CBFA2T3: variants seen among roughly 807,000 people sequenced by gnomAD.
The protein encoded by CBFA2T3 is CBFA2/RUNX1 partner transcriptional co-repressor 3.
CBFA2T3 carries 31 observed loss-of-function variants against 58.6 expected under a neutral mutation model. The observed-to-expected ratio is 0.53, with a 90% CI of 0.40 to 0.71. CBFA2T3 has a LOEUF of 0.71. CBFA2T3 is among the 30% of genes least tolerant of loss of function. The pLI is 0.00. For synonymous variants in CBFA2T3, 531 were observed against 421.9 expected (o/e 1.26, Z -3.17); for missense variants, 1,076 against 963.1 (o/e 1.12, Z -1.55).
At chr16:88,901,190 G>C (rs1970084374) in intron 2 of CBFA2T3, among the ~76,000 whole-genome samples, 1 of 152,252 alleles carries the variant, frequency 6.6e-6, no homozygotes, top group African/African-American at 2.4e-5. Context: ...GGCCGGCTTT[G>C]ACCCATGGCC....
In CBFA2T3 at chr16:88,876,982, G is replaced by A. The variant is rs1241391360; in HGVS notation, c.1956C>T (p.Pro652=). The change falls in exon 12 of 12, where the codon CCC becomes CCT. Residue 652 remains proline, a synonymous_variant. Transcript: ENST00000268679. The part of the protein sequence containing the change: ...PSPPGPLDTV[P]R ...AGGCCAGGGGCCAGTGGGGTCAGCG[G>A]GGCACGGTGTCCAGTGGGCCAGGTG... 49 of 1,446,870 alleles carry A rather than the reference G, an allele frequency of 3.4e-5. No homozygotes were observed. The highest frequency in any genetic ancestry group is 4.0e-5 in the Non-Finnish European group (44 of 1,105,650). 89.6% of individuals were successfully genotyped at this position (1,446,870 alleles called of 1,614,324 possible). A position where few individuals can be genotyped will look rare whatever the true frequency, so the allele number is the denominator to read the frequency against.
intron 1 of CBFA2T3, among the ~76,000 whole-genome samples, chr16:88,967,250 C>A (rs1056660088): frequency 6.1e-5 from 9 of 147,884 alleles, no homozygotes; most frequent in Admixed American, 6.7e-5. Context: ...TCGGCCCCGA[C>A]ACGAGGCAGC....
chr16:88,887,403 C>G (rs920146755), intron 5 of CBFA2T3, among the ~76,000 whole-genome samples: 2 of 152,162 alleles, frequency 1.3e-5, no homozygotes, highest in African/African-American at 4.8e-5. Context: ...CGGGAACCGG[C>G]TGGTCGCTGT....
At chr16:88,891,373 G>A (rs190210522) in intron 5 of CBFA2T3, among the ~76,000 whole-genome samples, 2 of 152,286 alleles carry the variant, frequency 1.3e-5, no homozygotes, top group East Asian at 1.9e-4. Context: ...TCCAAGCAAA[G>A]GACTTTCGGA....
rs764860734 is a variant in CBFA2T3, at chr16:88,875,510, G to GT, written c.*1465dup. ...AGGCAGAGGGCTGCTTTTGTTTGTAGTTTTTTTGTTTTTTCTGCAAAAGTT... is the reference window on the plus strand; with the variant it reads ...AGGCAGAGGGCTGCTTTTGTTTGTAGTTTTTTTTGTTTTTTCTGCAAAAGTT... On this transcript the variant is annotated 3_prime_UTR_variant, in exon 12 of 12. Transcript: ENST00000268679. 1.5e-4 allele frequency: 36 copies of GT among 233,730 alleles called. No individual in the cohort carries two copies. Among genetic ancestry groups the GT allele is most frequent in the Middle Eastern group, 1.2e-3 (1 of 808 alleles). The allele number at this position is 233,730 out of a possible 1,614,324, so 14.5% of individuals were successfully genotyped here. A position where few individuals can be genotyped will look rare whatever the true frequency, so the allele number is the denominator to read the frequency against.
intron 1 of CBFA2T3, among the ~76,000 whole-genome samples, chr16:88,975,335 G>A (rs1279590157): frequency 1.3e-5 from 2 of 149,526 alleles, no homozygotes; most frequent in Non-Finnish European, 3.0e-5. Flanking sequence ...TCCTTCCACG[G>A]TAGACACCCC....
intron 1 of CBFA2T3, among the ~76,000 whole-genome samples, chr16:88,934,485 C>T (rs1390534980): frequency 1.3e-5 from 2 of 152,260 alleles, no homozygotes; most frequent in African/African-American, 4.8e-5. Context: ...CTCAGCCACA[C>T]ACCTGGCCGG....
At chr16:88,891,812 C>A in intron 5 of CBFA2T3, 70 bp downstream of exon 5, 1 of 1,092,662 alleles carries the variant, frequency 9.2e-7, no homozygotes, top group Non-Finnish European at 1.4e-6. Flanking sequence ...GCTGTCCACG[C>A]TGGCAAGGAG....
intron 1 of CBFA2T3, among the ~76,000 whole-genome samples, chr16:88,919,505 C>T (rs1441140899): frequency 6.6e-6 from 1 of 152,216 alleles, no homozygotes; most frequent in Non-Finnish European, 1.5e-5. Context: ...GCCTCAGGCG[C>T]TGTCCCTACC....
At chr16:88,952,883 C>T (rs1972114143) in intron 1 of CBFA2T3, among the ~76,000 whole-genome samples, 1 of 149,496 alleles carries the variant, frequency 6.7e-6, no homozygotes, top group Admixed American at 6.7e-5. Context: ...ACCCTGGGGA[C>T]AGCATGTCCA....
At chr16:88,959,468 G>A (rs1036752043) in intron 1 of CBFA2T3, among the ~76,000 whole-genome samples, 1 of 152,208 alleles carries the variant, frequency 6.6e-6, no homozygotes, top group African/African-American at 2.4e-5. Context: ...AGCACCCAGC[G>A]CTTACAGAGC....
At chr16:88,925,295 G>A (rs910642385) in intron 1 of CBFA2T3, among the ~76,000 whole-genome samples, 2 of 152,188 alleles carry the variant, frequency 1.3e-5, no homozygotes, top group Non-Finnish European at 2.9e-5. Context: ...CTGCTCGGGG[G>A]AGACCCACAA....
At chr16:88,892,574 G>C (rs1969686646) in intron 3 of CBFA2T3, 89 bp from the exon 4 acceptor site, 1 of 1,422,776 alleles carries the variant, frequency 7.0e-7, no homozygotes, top group African/African-American at 1.4e-5. Flanking sequence ...CAGCGACTAA[G>C]GTGACAATGT....
chr16:88,890,999 C>T (rs1038075226), intron 5 of CBFA2T3, among the ~76,000 whole-genome samples: 2 of 152,194 alleles, frequency 1.3e-5, no homozygotes, highest in South Asian at 2.1e-4. Context: ...GGCTCTGATT[C>T]AGCAGGTTTG....
At chr16:88,904,380 G>A (rs755733631) in intron 1 of CBFA2T3, among the ~76,000 whole-genome samples, 15 of 152,008 alleles carry the variant, frequency 9.9e-5, no homozygotes, top group Non-Finnish European at 1.5e-4. Flanking sequence ...GACCAGGCTC[G>A]GAGAGATGAA....
intron 1 of CBFA2T3, among the ~76,000 whole-genome samples, chr16:88,940,565 A>G (rs1381189600): frequency 6.6e-6 from 1 of 151,980 alleles, no homozygotes; most frequent in African/African-American, 2.4e-5. Flanking sequence ...AGCGCGGACC[A>G]CCTTTAGCCT....
chr16:88,969,307 C>T (rs552675028), intron 1 of CBFA2T3, among the ~76,000 whole-genome samples: 8 of 152,314 alleles, frequency 5.3e-5, no homozygotes, highest in Admixed American at 1.3e-4. Context: ...GAGGAAGCTC[C>T]GGGAGCCCAC....
At chr16:88,879,210 C>T (rs1377839417) in intron 11 of CBFA2T3, 60 bp downstream of exon 11, 18 of 1,421,860 alleles carry the variant, frequency 1.3e-5, no homozygotes, top group Middle Eastern at 2.3e-4. Context: ...ATGGGGGTGG[C>T]GTGGGACCGC....
rs748631154 is a variant in CBFA2T3 at position 88,881,370 on chromosome 16, G to A, written c.1323C>T (p.Ala441=). The A allele has an allele frequency of 5.0e-6, 8 of 1,588,894 alleles. No homozygotes were observed. Among genetic ancestry groups the A allele is most frequent in the South Asian group, 4.5e-5 (4 of 88,960 alleles). The change falls in exon 9 of 12, where the codon GCC becomes GCT. Residue 441 remains alanine, a synonymous_variant. Coordinates refer to ENST00000268679, the MANE Select transcript of CBFA2T3 (RefSeq NM_005187.6). Reference sequence around the variant, plus strand: ...GAGCGGGGCCCTTCTTTGTGTCCTCGGCGTCGCTGTAGCGCCGCGCCCAGT... The same window carrying A: ...GAGCGGGGCCCTTCTTTGTGTCCTCAGCGTCGCTGTAGCGCCGCGCCCAGT... The part of the protein sequence containing the change: ...LNHWARRYSD[A]EDTKKGPAPA...
Sources: allele counts gnomAD v4.1 joint callset (sites outside exome capture counted in the v4.1 genomes callset), GRCh38; gene constraint gnomAD v4.1.1; transcripts MANE v1.5; gene names NCBI Gene and HGNC (gene_info 2026-07-23, HGNC 2026-07-21).